Variants in CELF4 observed in about 807,000 individuals in gnomAD.
CELF4 encodes the protein CUGBP Elav-like family member 4.
In CELF4, 18 loss-of-function variants were observed where a neutral mutation model predicts 59.9. The observed-to-expected ratio is 0.30, with a 90% CI of 0.21 to 0.45. CELF4 has a LOEUF of 0.45. Ranked by LOEUF, CELF4 falls within the 20% of genes least tolerant of loss-of-function variation. The probability of loss-of-function intolerance (pLI) is 1.00; values close to 1 mark genes in which losing one functional copy is unlikely to be tolerated. For synonymous variants in CELF4, 261 were observed against 267.1 expected (o/e 0.98, Z 0.22); for missense variants, 456 against 689.0 (o/e 0.66, Z 3.79).
At chr18:37,508,099 G>A (rs1219011593) in intron 1 of CELF4, among the ~76,000 whole-genome samples, 3 of 152,176 alleles carry the variant, frequency 2.0e-5, no homozygotes. Flanking sequence ...TCCCTGCCAG[G>A]CACCTCTGGG....
intron 11 of CELF4, among the ~76,000 whole-genome samples, chr18:37,258,160 A>G (rs556818218): frequency 2.0e-5 from 3 of 152,198 alleles, no homozygotes; most frequent in Non-Finnish European, 4.4e-5. Context: ...TCCCTCTCCC[A>G]TCTAACACCA....
intron 2 of CELF4, among the ~76,000 whole-genome samples, chr18:37,483,911 C>G (rs773701717): frequency 2.6e-5 from 4 of 152,182 alleles, no homozygotes; most frequent in Admixed American, 2.6e-4. Flanking sequence ...CATCATTTAG[C>G]TATTCTATTA....
At chr18:37,563,635 G>A (rs188004171) in intron 1 of CELF4, among the ~76,000 whole-genome samples, 216 of 152,076 alleles carry the variant, frequency 1.4e-3, no homozygotes, top group African/African-American at 5.2e-3. Flanking sequence ...CTGCCTCCCC[G>A]TTCCACCTTT....
At chr18:37,341,624 T>G in intron 2 of CELF4, among the ~76,000 whole-genome samples, 1 of 152,020 alleles carries the variant, frequency 6.6e-6, no homozygotes, top group East Asian at 1.9e-4. Flanking sequence ...AAGCTCAGAG[T>G]GTCCTCTGCC....
chr18:37,565,749 TCCC>T lies in CELF4; in HGVS notation c.-111_-109del. On this transcript the variant is annotated 5_prime_UTR_variant, in exon 1 of 13. Coordinates refer to ENST00000420428, the MANE Select transcript of CELF4 (RefSeq NM_020180.4). The stretch of plus-strand genomic sequence containing the variant: ...CACGCATACACACACTCGGGTTCTC[TCCC>T]CCTCGGTTTCTCTACACCTCGCTCT... 1 of 862,314 alleles carries T rather than the reference TCCC, an allele frequency of 1.2e-6. No individual in the cohort carries two copies. 53.4% of individuals were successfully genotyped at this position (862,314 alleles called of 1,614,324 possible). A position where few individuals can be genotyped will look rare whatever the true frequency, so the allele number is the denominator to read the frequency against.
At chr18:37,248,597 G>C (rs1485710882) in intron 12 of CELF4, among the ~76,000 whole-genome samples, 1 of 151,976 alleles carries the variant, frequency 6.6e-6, no homozygotes, top group Non-Finnish European at 1.5e-5. Flanking sequence ...ACCCCTCCAG[G>C]AACAGCTTTC....
intron 2 of CELF4, among the ~76,000 whole-genome samples, chr18:37,365,506 G>A (rs564073619): frequency 3.1e-3 from 70 of 22,658 alleles, no homozygotes; most frequent in African/African-American, 0.011. Flanking sequence ...TTTTTTTTGA[G>A]ATGGAGTCTT....
intron 3 of CELF4, among the ~76,000 whole-genome samples, chr18:37,303,509 C>G (rs74579897): frequency 0.037 from 5,660 of 152,196 alleles, 249 homozygotes; most frequent in African/African-American, 0.1. Flanking sequence ...AGGCAGTCCC[C>G]ACAGTAATAT....
intron 1 of CELF4, among the ~76,000 whole-genome samples, chr18:37,536,088 T>G (rs1302092085): frequency 1.3e-5 from 2 of 152,122 alleles, no homozygotes; most frequent in African/African-American, 4.8e-5. Context: ...TGGAACCACT[T>G]GCATTGTGGT....
At chr18:37,475,613 G>A (rs2099846665) in intron 2 of CELF4, among the ~76,000 whole-genome samples, 2 of 152,172 alleles carry the variant, frequency 1.3e-5, no homozygotes, top group Non-Finnish European at 2.9e-5. Flanking sequence ...CCTTTCTAGG[G>A]AGCGGGGAAG....
At chr18:37,389,630 C>T (rs2099135927) in intron 2 of CELF4, among the ~76,000 whole-genome samples, 1 of 152,080 alleles carries the variant, frequency 6.6e-6, no homozygotes, top group African/African-American at 2.4e-5. Context: ...GAAAACAGGA[C>T]AGATGTCCAC....
chr18:37,292,173 C>T (rs1160328526), intron 3 of CELF4, among the ~76,000 whole-genome samples: 4 of 99,948 alleles, frequency 4.0e-5, no homozygotes, highest in South Asian at 3.8e-4. Flanking sequence ...TGTGAGAAAT[C>T]GATTTATTGT....
chr18:37,554,933 A>G (rs1009182665), intron 1 of CELF4, among the ~76,000 whole-genome samples: 1 of 152,212 alleles, frequency 6.6e-6, no homozygotes, highest in Non-Finnish European at 1.5e-5. Context: ...AGTAAGCCTC[A>G]GTGAGAAATG....
chr18:37,432,038 T>TA (rs774298789), intron 2 of CELF4, among the ~76,000 whole-genome samples: 7 of 152,218 alleles, frequency 4.6e-5, no homozygotes, highest in Non-Finnish European at 8.8e-5. Context: ...GCCTGTCTAT[T>TA]GCTGTCTCTG....
chr18:37,548,307 A>C (rs1284820700), intron 1 of CELF4, among the ~76,000 whole-genome samples: 3 of 152,244 alleles, frequency 2.0e-5, no homozygotes, highest in Admixed American at 6.5e-5. Flanking sequence ...GCATGCAGTC[A>C]AGGAAGCGTG....
intron 1 of CELF4, among the ~76,000 whole-genome samples, chr18:37,504,702 C>T (rs1013030204): frequency 2.6e-5 from 4 of 152,034 alleles, no homozygotes; most frequent in Non-Finnish European, 2.9e-5. Flanking sequence ...CTGCCTCGGG[C>T]GAGGGGCGGT....
chr18:37,458,980 G>C (rs974669564), intron 2 of CELF4, among the ~76,000 whole-genome samples: 1 of 152,206 alleles, frequency 6.6e-6, no homozygotes, highest in Non-Finnish European at 1.5e-5. Context: ...TTGCTATCTG[G>C]AGAGCTTGGC....
At position 37,321,852 on chromosome 18, in the gene CELF4, C is replaced by T. The variant is rs41482751; in HGVS notation, c.399G>A (p.Ala133=). ...TACTACCTCCTCGGCTCTCGCTGTCCGCAGGCTTCACCTGGATCGGCCGGT... is the reference window on the plus strand; with the variant it reads ...TACTACCTCCTCGGCTCTCGCTGTCTGCAGGCTTCACCTGGATCGGCCGGT... The part of the protein sequence containing the change: ...GMNRPIQVKP[A]DSESRGGSSC... Residue 133 remains alanine (A), a synonymous_variant, in exon 3 of 13, where the codon GCG becomes GCA. Transcript: ENST00000420428. 3.3e-3 allele frequency: 5,369 copies of T among 1,613,424 alleles called. 11 individuals carry two copies. The highest frequency in any genetic ancestry group is 3.5e-3 in the Non-Finnish European group (4,115 of 1,179,652).
At chr18:37,412,994 G>A (rs2099487567) in intron 2 of CELF4, among the ~76,000 whole-genome samples, 1 of 152,160 alleles carries the variant, frequency 6.6e-6, no homozygotes, top group African/African-American at 2.4e-5. Flanking sequence ...GGGCTGGGCA[G>A]AGGGGCTCCC....
Sources: allele counts gnomAD v4.1 joint callset (sites outside exome capture counted in the v4.1 genomes callset), GRCh38; gene constraint gnomAD v4.1.1; transcripts MANE v1.5; gene names NCBI Gene and HGNC (gene_info 2026-07-23, HGNC 2026-07-21).